CAST: variants seen among roughly 807,000 people sequenced by gnomAD.
CAST encodes MIR583 host.
A neutral mutation model predicts 119.6 loss-of-function variants in CAST; 76 were observed. The ratio of observed to expected loss-of-function variants is 0.64; its 90% CI spans 0.53 to 0.77. The LOEUF is 0.77. Among genes scored for constraint, CAST ranks in the 30% least tolerant of loss-of-function variants. CAST has a pLI of 0.00. For synonymous variants in CAST, 319 were observed against 331.6 expected, an observed-to-expected ratio of 0.96 and a Z score of 0.41; for missense variants, 953 against 946.5, an observed-to-expected ratio of 1.01 and a Z score of -0.09.
At chr5:96,739,889 G>T in intron 11 of CAST, 149 bp from the exon 12 acceptor site, 1 of 561,876 alleles carries the variant, frequency 1.8e-6, no homozygotes, top group Non-Finnish European at 3.2e-6. Context: ...AAATGTAGTT[G>T]TATAAAGTGT....
At chr5:96,478,719 C>G in the CAST span, among the ~76,000 whole-genome samples, 1 of 152,174 alleles carries the variant, frequency 6.6e-6, no homozygotes, top group Non-Finnish European at 1.5e-5. Context: ...TGACTTTTAC[C>G]TAATGAGAAG....
At chr5:96,571,030 C>G (rs1189026547) in intron 1 of CAST, among the ~76,000 whole-genome samples, 1 of 152,162 alleles carries the variant, frequency 6.6e-6, no homozygotes, top group Non-Finnish European at 1.5e-5. Flanking sequence ...TTCAGAGGAG[C>G]AGGATGTAGC....
chr5:96,638,915 C>T (rs535880980), intron 1 of CAST, among the ~76,000 whole-genome samples: 1 of 152,162 alleles, frequency 6.6e-6, no homozygotes, highest in African/African-American at 2.4e-5. Context: ...TACCGCAGCA[C>T]CTAAGGACAT....
At position 96,757,132 on chromosome 5, in the gene CAST, C is replaced by T. The variant is rs556939627; in HGVS notation, c.1711-312C>T. On this transcript the variant is annotated intron_variant, in intron 22 of 31. Coordinates refer to ENST00000675179, the MANE Select transcript of CAST (RefSeq NM_001750.7). ...TGTCCTGCAAACCCCAGTCACAGCACCACATACCACACTATGCTGACTTTC... is the reference window on the plus strand; with the variant it reads ...TGTCCTGCAAACCCCAGTCACAGCATCACATACCACACTATGCTGACTTTC... 1.1e-4 allele frequency among the ~76,000 whole-genome samples: 16 copies of T among 152,310 alleles called. No individual in the cohort carries two copies. In the East Asian group the frequency reaches 3.1e-3, roughly 29 times the overall value.
the CAST span, among the ~76,000 whole-genome samples, chr5:96,202,915 A>G: frequency 6.6e-6 from 1 of 152,188 alleles, no homozygotes; most frequent in Admixed American, 6.6e-5. Context: ...TTAGGACTTC[A>G]TTTATTTTAA....
In CAST at chr5:96,662,465, C is replaced by A; in HGVS notation, c.43C>A (p.Arg15=). The change falls in exon 1 of 32, where the codon CGG becomes AGG. Residue 15 remains arginine (R), a synonymous_variant. Transcript: ENST00000675179. ...GQKPAASPRP[R]RAAAARRTHE... ...GAAGCCCGCCGCCTCCCCGCGGCCC[C>A]GGCGAGCAGCCGCCGCCCGCCGCAC... 1 of 1,433,574 alleles carries A rather than the reference C, an allele frequency of 7.0e-7. No individual in the cohort carries two copies. Among genetic ancestry groups the A allele is most frequent in the South Asian group, 1.4e-5 (1 of 70,446 alleles). 88.8% of individuals were successfully genotyped at this position (1,433,574 alleles called of 1,614,324 possible). A position where few individuals can be genotyped will look rare whatever the true frequency, so the allele number is the denominator to read the frequency against.
the CAST span, among the ~76,000 whole-genome samples, chr5:96,291,918 A>T: frequency 6.8e-6 from 1 of 147,968 alleles, no homozygotes; most frequent in Admixed American, 6.8e-5. Flanking sequence ...CAGATACAGA[A>T]TCTTTCTTTC....
chr5:96,551,501 C>T (rs1046321934), intron 1 of CAST, among the ~76,000 whole-genome samples: 1 of 152,128 alleles, frequency 6.6e-6, no homozygotes, highest in African/African-American at 2.4e-5. Context: ...TATGAAGAAA[C>T]TGTATCAATT....
the CAST span, chr5:96,416,180 T>G: frequency 8.6e-7 from 1 of 1,158,184 alleles, no homozygotes; most frequent in East Asian, 2.3e-5. Flanking sequence ...TTGTTTTGCA[T>G]ATGAATGAAT....
intron 1 of CAST, among the ~76,000 whole-genome samples, chr5:96,610,002 A>G (rs184521533): frequency 1.3e-5 from 2 of 152,168 alleles, no homozygotes; most frequent in African/African-American, 4.8e-5. Flanking sequence ...CTCAAATCTC[A>G]TCTTGAATTA....
chr5:96,102,623 T>C, the CAST span, among the ~76,000 whole-genome samples: 1 of 152,182 alleles, frequency 6.6e-6, no homozygotes, highest in Non-Finnish European at 1.5e-5. Flanking sequence ...CTAGCATTTC[T>C]CTGCCTCCGG....
chr5:96,250,120 T>C, the CAST span, among the ~76,000 whole-genome samples: 1 of 152,196 alleles, frequency 6.6e-6, no homozygotes, highest in African/African-American at 2.4e-5. Flanking sequence ...CTTCACCCTT[T>C]CTCAAATGAC....
chr5:95,969,206 G>C, the CAST span, among the ~76,000 whole-genome samples: 1 of 152,190 alleles, frequency 6.6e-6, no homozygotes, highest in Non-Finnish European at 1.5e-5. Context: ...ATTGTGAGGA[G>C]AGCTTTTAGT....
chr5:96,041,678 A>T, the CAST span, among the ~76,000 whole-genome samples: 1 of 152,044 alleles, frequency 6.6e-6, no homozygotes, highest in Non-Finnish European at 1.5e-5. Flanking sequence ...TCTCTGTACT[A>T]TGGCCTAATT....
intron 20 of CAST, among the ~76,000 whole-genome samples, chr5:96,753,228 TCAAA>T (rs988217709): frequency 2.6e-5 from 4 of 152,088 alleles, no homozygotes; most frequent in Non-Finnish European, 5.9e-5. Context: ...ACTCCTGAGC[TCAAA>T]CAATCTTCCT....
chr5:96,122,365 T>C, the CAST span, among the ~76,000 whole-genome samples: 1 of 152,146 alleles, frequency 6.6e-6, no homozygotes, highest in Non-Finnish European at 1.5e-5. Context: ...AGTTTTGAAA[T>C]GCTGAGATAC....
the CAST span, among the ~76,000 whole-genome samples, chr5:96,461,005 A>C: frequency 6.6e-6 from 1 of 152,074 alleles, no homozygotes; most frequent in African/African-American, 2.4e-5. Context: ...CCCCATACCC[A>C]TTAGCAAGCA....
chr5:96,004,129 G>C, the CAST span, among the ~76,000 whole-genome samples: 1 of 152,206 alleles, frequency 6.6e-6, no homozygotes, highest in Non-Finnish European at 1.5e-5. Context: ...ATGTTGGATG[G>C]TCATGCCATG....
the CAST span, among the ~76,000 whole-genome samples, chr5:96,135,392 T>C: frequency 6.6e-6 from 1 of 151,914 alleles, no homozygotes; most frequent in African/African-American, 2.4e-5. Flanking sequence ...TGCTGATGGG[T>C]TGGTTATGGG....
Sources: allele counts gnomAD v4.1 joint callset (sites outside exome capture counted in the v4.1 genomes callset), GRCh38; gene constraint gnomAD v4.1.1; transcripts MANE v1.5; gene names NCBI Gene and HGNC (gene_info 2026-07-23, HGNC 2026-07-21).